Variants in TMEM131 observed in about 807,000 individuals in gnomAD.
The protein encoded by TMEM131 is transmembrane protein 131.
Under a neutral mutation model 211.6 loss-of-function variants are expected in TMEM131, and 66 were observed. The ratio of observed to expected loss-of-function variants is 0.31; its 90% CI spans 0.26 to 0.38. The LOEUF is 0.38. TMEM131 is among the 10% of genes least tolerant of loss of function. The pLI is 1.00. For synonymous variants in TMEM131, 844 were observed against 841.3 expected (o/e 1.00, Z -0.06); for missense variants, 2,036 against 2,299.3 (o/e 0.89, Z 2.34).
chr2:97,841,897 G>T lies in TMEM131; in HGVS notation c.641C>A (p.Pro214Gln). Residue 214 changes from proline to glutamine, a missense_variant, in exon 7 of 41, where the codon CCG (proline) becomes CAG (glutamine). This residue lies in a region of TMEM131 where 277 missense variants were observed against 378.0 expected (regional missense o/e 0.73). Coordinates refer to ENST00000186436, the MANE Select transcript of TMEM131 (RefSeq NM_015348.2). ...VGVPNPYRLRPFLGARVPVNS... is the reference protein window; with the variant it reads ...VGVPNPYRLRQFLGARVPVNS... ...CACAGGGACTCTGGCCCCAAGGAAC[G>T]GCCTCAATCGATATGGATTTGGAAC... 2 of 1,592,278 alleles carry T rather than the reference G, an allele frequency of 1.3e-6. No homozygotes were observed. The highest frequency in any genetic ancestry group is 2.3e-5 in the East Asian group (1 of 44,330).
In TMEM131 at chr2:97,874,359, A is replaced by G. The variant is rs548740849; in HGVS notation, c.359+13693T>C. ...GCAAGACAGGCCAACATTCAAATTC[A>G]GGAAATACAGAGAACAGCACAACAA... On this transcript the variant is annotated intron_variant, in intron 4 of 40. Transcript: ENST00000186436. 1.1e-4 allele frequency among the ~76,000 whole-genome samples: 16 copies of G among 152,368 alleles called. No individual in the cohort carries two copies. In the East Asian group the frequency reaches 2.9e-3, roughly 28 times the overall value.
In TMEM131 at chr2:97,876,277, A is replaced by AT. The variant is rs1156331340; in HGVS notation, c.359+11774_359+11775insA. On this transcript the variant is annotated intron_variant, in intron 4 of 40. Transcript: ENST00000186436. ...TTCACAGCCAAATTCTATCAGAGGTACAAAGAGGAGCTGGTACCATTCCTT... is the reference window on the plus strand; with the variant it reads ...TTCACAGCCAAATTCTATCAGAGGTATCAAAGAGGAGCTGGTACCATTCCTT... Among the ~76,000 whole-genome samples the AT allele has an allele frequency of 1.6e-3, 246 of 152,344 alleles. 1 individual carries two copies. Among genetic ancestry groups the AT allele is most frequent in the African/African-American group, 4.9e-3 (203 of 41,580 alleles).
At chr2:97,868,365 T>C (rs188303683) in intron 4 of TMEM131, among the ~76,000 whole-genome samples, 18 of 152,206 alleles carry the variant, frequency 1.2e-4, no homozygotes, top group African/African-American at 4.3e-4. Flanking sequence ...CACACACACA[T>C]ATATGTAGGT....
rs775924714 is a variant in TMEM131, at chr2:97,812,521, C to A, written c.1763G>T (p.Gly588Val). Residue 588 changes from glycine (G) to valine (V), a missense_variant, in exon 17 of 41, where the codon GGT (glycine) becomes GTT (valine). Gly to Val is a moderately radical substitution (Grantham distance 109, BLOSUM62 -3). Transcript: ENST00000186436. ...AIKSWHIIGDGLSIELVAVER... is the reference protein window; with the variant it reads ...AIKSWHIIGDVLSIELVAVER... ...CACAGCTACAAGTTCTATTGATAAA[C>A]CGTCTCCTATGATATGCCAACTTTT... 28 of 1,611,596 alleles carry A rather than the reference C, an allele frequency of 1.7e-5. No individual in the cohort carries two copies. Among genetic ancestry groups the A allele is most frequent in the Non-Finnish European group, 2.3e-5 (27 of 1,179,198 alleles).
At chr2:97,924,873 C>T (rs1676914706) in intron 2 of TMEM131, among the ~76,000 whole-genome samples, 1 of 152,106 alleles carries the variant, frequency 6.6e-6, no homozygotes, top group Non-Finnish European at 1.5e-5. Flanking sequence ...GACTTGAACT[C>T]AGGGAACACT....
chr2:97,990,840 C>T (rs1680231463), intron 1 of TMEM131, among the ~76,000 whole-genome samples: 1 of 152,024 alleles, frequency 6.6e-6, no homozygotes, highest in South Asian at 2.1e-4. Context: ...TGTTTTGCAC[C>T]TACGTCACAA....
chr2:97,757,141 GCTT>G lies in TMEM131; in HGVS notation c.5607_5609del (p.Arg1869del), dbSNP rs772939637. The G allele has an allele frequency of 3.7e-6, 6 of 1,612,820 alleles. No individual in the cohort carries two copies. Among genetic ancestry groups the G allele is most frequent in the Non-Finnish European group, 4.2e-6 (5 of 1,179,084 alleles). ...AGTGCGAATTAGACCAAGGGTCCGA[GCTT>G]CTTCTTCCAATCGTGGGGCTCCATA... On this transcript the variant is annotated inframe_deletion, in exon 41 of 41. Coordinates refer to ENST00000186436, the MANE Select transcript of TMEM131 (RefSeq NM_015348.2).
intron 3 of TMEM131, among the ~76,000 whole-genome samples, chr2:97,891,304 G>T (rs1249053395): frequency 6.6e-6 from 1 of 152,008 alleles, no homozygotes; most frequent in African/African-American, 2.4e-5. Context: ...TCGTTATGTT[G>T]CCCAAGCTGG....
intron 1 of TMEM131, among the ~76,000 whole-genome samples, chr2:97,930,918 T>C (rs1677191083): frequency 6.8e-6 from 1 of 146,128 alleles, no homozygotes; most frequent in Admixed American, 6.8e-5. Flanking sequence ...GTTGTTAATA[T>C]TCAAACTAAC....
At chr2:97,762,274 C>T in intron 35 of TMEM131, 74 bp from the exon 36 acceptor site, 1 of 1,462,282 alleles carries the variant, frequency 6.8e-7, no homozygotes, top group Non-Finnish European at 9.5e-7. Context: ...TTTGAATGTT[C>T]TCTAAGACTA....
chr2:97,834,723 T>C, intron 9 of TMEM131, 46 bp from the exon 10 acceptor site: 1 of 1,601,772 alleles, frequency 6.2e-7, no homozygotes, highest in Non-Finnish European at 8.5e-7. Context: ...TTTGCCAGAG[T>C]AAGCTATACT....
chr2:97,854,528 A>G (rs1342608172), intron 5 of TMEM131, among the ~76,000 whole-genome samples: 1 of 152,174 alleles, frequency 6.6e-6, no homozygotes, highest in East Asian at 1.9e-4. Context: ...ACAACAGCCA[A>G]TGTGACTGGT....
intron 31 of TMEM131, 107 bp downstream of exon 31, chr2:97,792,279 A>C: frequency 1.1e-6 from 1 of 899,582 alleles, no homozygotes; most frequent in Admixed American, 3.5e-5. Flanking sequence ...AGCCAGAGGA[A>C]CCTACTGAAT....
At position 97,792,749 on chromosome 2, in the gene TMEM131, T is replaced by C. The variant is rs2104886445; in HGVS notation, c.3781A>G (p.Ser1261Gly). The C allele has an allele frequency of 1.9e-6, 3 of 1,614,040 alleles. No individual in the cohort carries two copies. The highest frequency in any genetic ancestry group is 2.2e-5 in the South Asian group (2 of 91,090). Residue 1261 changes from serine to glycine, a missense_variant, in exon 31 of 41, where the codon AGC becomes GGC. Transcript: ENST00000186436. ...GTGTTCGAATCTAAGACAAGGGGGC[T>C]TGTTTTGTTAGCAGACTGTGAAGAA... ...AASSQSANKT[S>G]PLVLDSNTVT...
chr2:97,982,305 T>C (rs781135473), intron 1 of TMEM131, among the ~76,000 whole-genome samples: 1 of 152,210 alleles, frequency 6.6e-6, no homozygotes, highest in Non-Finnish European at 1.5e-5. Flanking sequence ...CATACGTTTA[T>C]TATATATCTT....
In TMEM131 at chr2:97,995,649, G is replaced by C; in HGVS notation, c.14C>G (p.Ala5Gly). 1 of 1,215,018 alleles carries C rather than the reference G, an allele frequency of 8.2e-7. No homozygotes were observed. The highest frequency in any genetic ancestry group is 3.4e-5 in the East Asian group (1 of 29,584). 75.3% of individuals were successfully genotyped at this position (1,215,018 alleles called of 1,614,324 possible). A position where few individuals can be genotyped will look rare whatever the true frequency, so the allele number is the denominator to read the frequency against. Residue 5 changes from alanine to glycine, a missense_variant, in exon 1 of 41, where the codon GCG (alanine) becomes GGG (glycine). This residue lies in a region of TMEM131 where 136 missense variants were observed against 115.4 expected (regional missense o/e 1.18). Coordinates refer to ENST00000186436, the MANE Select transcript of TMEM131 (RefSeq NM_015348.2). MGKRAGGGATGATTA... is the reference protein window; with the variant it reads MGKRGGGGATGATTA... ...GGTGGCTCCGGTTGCTCCTCCTCCC[G>C]CCCGCTTCCCCATCCCTGCCGGCCG...
intron 1 of TMEM131, among the ~76,000 whole-genome samples, chr2:97,979,622 C>A (rs1009836285): frequency 1.3e-5 from 2 of 150,116 alleles, no homozygotes; most frequent in Admixed American, 6.6e-5. Context: ...TCCCCTCTCT[C>A]AGTCTTCATA....
At chr2:97,767,776 TC>T (rs1031909741) in intron 33 of TMEM131, among the ~76,000 whole-genome samples, 4 of 152,208 alleles carry the variant, frequency 2.6e-5, no homozygotes, top group African/African-American at 7.2e-5. Flanking sequence ...GTGATACTAC[TC>T]AGGACTCCCG....
chr2:97,893,089 C>A (rs933493876), intron 3 of TMEM131, among the ~76,000 whole-genome samples: 2 of 152,014 alleles, frequency 1.3e-5, no homozygotes, highest in African/African-American at 4.8e-5. Flanking sequence ...CCCCTCCCTG[C>A]GTCCATGTGT....
Sources: allele counts gnomAD v4.1 joint callset (sites outside exome capture counted in the v4.1 genomes callset), GRCh38; gene constraint gnomAD v4.1.1; regional missense constraint gnomAD v4.1.1; transcripts MANE v1.5; gene names NCBI Gene and HGNC (gene_info 2026-07-23, HGNC 2026-07-21).